The following TMEM198 variants were observed in gnomAD, a reference collection of about 807,000 sequenced individuals.
TMEM198 encodes transmembrane protein 198.
A neutral mutation model predicts 31.5 loss-of-function variants in TMEM198; 21 were observed. The observed-to-expected ratio is 0.67, with a 90% CI of 0.47 to 0.96. The LOEUF is 0.96. Among genes scored for constraint, TMEM198 ranks in the 40% least tolerant of loss-of-function variants. The pLI, the probability that TMEM198 is intolerant of heterozygous loss-of-function variation, is 0.00. For synonymous variants in TMEM198, 211 were observed against 223.3 expected (o/e 0.95, Z 0.49); for missense variants, 447 against 499.4 (o/e 0.89, Z 1.00).
Position 219,544,248 on chromosome 2 carries a change from G to GC in TMEM198, c.-164dup, listed in dbSNP as rs898393456. On this transcript the variant is annotated 5_prime_UTR_variant, in exon 1 of 5. An upstream open reading frame in the 5' UTR gains an earlier in-frame stop. Coordinates refer to ENST00000373883, the MANE Select transcript of TMEM198 (RefSeq NM_001005209.3). ...CGACACCATTCTCTCCGGCCCAGCA[G>GC]CCCCCTTCCTCGCACGACGGACTTT... 6 of 467,342 alleles carry GC rather than the reference G, an allele frequency of 1.3e-5. No individual in the cohort carries two copies. The highest frequency in any genetic ancestry group is 1.2e-4 in the African/African-American group (6 of 50,130). 28.9% of individuals were successfully genotyped at this position (467,342 alleles called of 1,614,324 possible).
intron 3 of TMEM198, among the ~76,000 whole-genome samples, chr2:219,548,485 G>A (rs567234929): frequency 3.9e-5 from 6 of 152,200 alleles, no homozygotes; most frequent in South Asian, 4.1e-4. Context: ...GGTCAGGGAA[G>A]GCTGCTTGAA....
intron 2 of TMEM198, among the ~76,000 whole-genome samples, chr2:219,546,233 C>A (rs568025589): frequency 1.3e-4 from 20 of 152,328 alleles, no homozygotes; most frequent in Non-Finnish European, 2.2e-4. Context: ...CCTTGACCCC[C>A]ATCTCTGATT....
At chr2:219,545,978 C>T (rs989382559) in intron 2 of TMEM198, among the ~76,000 whole-genome samples, 6 of 152,092 alleles carry the variant, frequency 3.9e-5, no homozygotes, top group Non-Finnish European at 2.9e-5. Context: ...TTCTGTATCA[C>T]CTCACCCCCT....
rs762633558 is a variant in TMEM198, at chr2:219,547,892, G to A, written c.553G>A (p.Ala185Thr). 3.1e-6 allele frequency: 5 copies of A among 1,595,862 alleles called. No homozygotes were observed. The highest frequency in any genetic ancestry group is 1.3e-5 in the African/African-American group (1 of 74,998). Reference sequence around the variant, plus strand: ...CGCCGTGACTGGTGCTGCGCTGATCGCCACTGCCGCTGACTACTTCGCCGA... The same window carrying A: ...CGCCGTGACTGGTGCTGCGCTGATCACCACTGCCGCTGACTACTTCGCCGA... Reference protein sequence around the residue: ...ATAVTGAALIATAADYFAELL... With the variant: ...ATAVTGAALITTAADYFAELL... The change falls in exon 3 of 5, where the codon GCC becomes ACC. Residue 185 changes from alanine to threonine, a missense_variant. Ala to Thr is a moderately conservative substitution (Grantham distance 58, BLOSUM62 0). Coordinates refer to ENST00000373883, the MANE Select transcript of TMEM198 (RefSeq NM_001005209.3).
At position 219,544,325 on chromosome 2, in the gene TMEM198, CG is replaced by C; in HGVS notation, c.-89del. On this transcript the variant is annotated 5_prime_UTR_variant, in exon 1 of 5. It removes the in-frame stop codon of an upstream open reading frame in the 5' UTR. Coordinates refer to ENST00000373883, the MANE Select transcript of TMEM198 (RefSeq NM_001005209.3). ...CTGGCGCCCCGCAACCCCGGCCCCTCGGGCCTCTGCACAGCCTCTTTCACTC... is the reference window on the plus strand; with the variant it reads ...CTGGCGCCCCGCAACCCCGGCCCCTCGGCCTCTGCACAGCCTCTTTCACTC... The C allele has an allele frequency of 2.1e-6, 1 of 473,928 alleles. No homozygotes were observed. The allele number at this position is 473,928 out of a possible 1,614,324, so 29.4% of individuals were successfully genotyped here. A position where few individuals can be genotyped will look rare whatever the true frequency, so the allele number is the denominator to read the frequency against.
chr2:219,544,695 T>C lies in TMEM198; in HGVS notation c.-33T>C. On this transcript the variant is annotated 5_prime_UTR_variant, in exon 2 of 5. Coordinates refer to ENST00000373883, the MANE Select transcript of TMEM198 (RefSeq NM_001005209.3). ...CCAACTTTCCCTCTGTCAGGTTAAC[T>C]TGGGAGGGTGACTCCCTTCTATTCC... 6.2e-7 allele frequency: 1 copy of C among 1,603,082 alleles called. No homozygotes were observed. The highest frequency in any genetic ancestry group is 8.5e-7 in the Non-Finnish European group (1 of 1,172,732).
upstream of TMEM198, chr2:219,543,817 C>T: frequency 2.2e-6 from 1 of 444,786 alleles, no homozygotes. Context: ...TGCAAGGGCC[C>T]CGCCCCCGGG....
At chr2:219,544,517 C>G (rs1416073841) in intron 1 of TMEM198, 140 bp downstream of exon 1, 13 of 625,734 alleles carry the variant, frequency 2.1e-5, no homozygotes, top group Non-Finnish European at 3.7e-5. Context: ...TAGCCAGGCA[C>G]TTTTGTTTCC....
Position 219,550,138 on chromosome 2 carries a change from G to A in TMEM198, c.*284G>A. ...GTGTGTCTGTGTGTATGTGTGTGGG[G>A]GTGGGCAGGCTTGGAGGGGACGCTG... On this transcript the variant is annotated 3_prime_UTR_variant, in exon 5 of 5. Coordinates refer to ENST00000373883, the MANE Select transcript of TMEM198 (RefSeq NM_001005209.3). 2 of 359,140 alleles carry A rather than the reference G, an allele frequency of 5.6e-6. No individual in the cohort carries two copies. The highest frequency in any genetic ancestry group is 1.0e-5 in the Non-Finnish European group (2 of 199,198). The allele number at this position is 359,140 out of a possible 1,614,324, so 22.2% of individuals were successfully genotyped here. A position where few individuals can be genotyped will look rare whatever the true frequency, so the allele number is the denominator to read the frequency against.
At chr2:219,548,143 C>T in intron 3 of TMEM198, 62 bp downstream of exon 3, 1 of 1,398,464 alleles carries the variant, frequency 7.2e-7, no homozygotes, top group Non-Finnish European at 9.5e-7. Context: ...GGGTTGGGGG[C>T]CAAGTGACTG....
chr2:219,544,984 C>T (rs1695363015), intron 2 of TMEM198, 91 bp downstream of exon 2: 7 of 1,399,942 alleles, frequency 5.0e-6, no homozygotes, highest in African/African-American at 1.4e-5. Context: ...AATCCCTCTA[C>T]CATCATGAAT....
upstream of TMEM198, chr2:219,543,811 A>G: frequency 2.3e-6 from 1 of 440,696 alleles, no homozygotes. Context: ...TGTCACTGCA[A>G]GGGCCCCGCC....
chr2:219,549,089 G>T (rs1487350665), intron 3 of TMEM198, 63 bp from the exon 4 acceptor site: 56 of 1,586,300 alleles, frequency 3.5e-5, no homozygotes, highest in Non-Finnish European at 4.4e-5. Flanking sequence ...ATGAGAGAGG[G>T]AGGGCTCAAG....
chr2:219,548,602 C>T (rs76117748), intron 3 of TMEM198, among the ~76,000 whole-genome samples: 5,417 of 152,258 alleles, frequency 0.036, 130 homozygotes, highest in Non-Finnish European at 0.048. Context: ...ATGAGCTCAG[C>T]TTGCTTGAGG....
rs574463762 is a variant in TMEM198, at chr2:219,545,633, G to A, written c.166+740G>A. On this transcript the variant is annotated intron_variant, in intron 2 of 4. Transcript: ENST00000373883. The stretch of plus-strand genomic sequence containing the variant: ...ATGGGCTAGTGGCCCAGTATAATGG[G>A]AGTAAGTGACCAGTGGCTTTGCAGC... Among the ~76,000 whole-genome samples the A allele has an allele frequency of 2.6e-5, 4 of 152,318 alleles. No homozygotes were observed. In the South Asian group the frequency reaches 8.3e-4, roughly 32 times the overall value.
chr2:219,545,703 G>A (rs1369366117), intron 2 of TMEM198, among the ~76,000 whole-genome samples: 2 of 152,176 alleles, frequency 1.3e-5, no homozygotes, highest in Non-Finnish European at 2.9e-5. Context: ...CTATGGGCTG[G>A]GGGCCCAAAG....
rs1350699776 is a variant in TMEM198, at chr2:219,544,258, T to C, written c.-159T>C. The C allele has an allele frequency of 2.1e-6, 1 of 468,266 alleles. No homozygotes were observed. The highest frequency in any genetic ancestry group is 1.5e-5 in the South Asian group (1 of 64,580). 29.0% of individuals were successfully genotyped at this position (468,266 alleles called of 1,614,324 possible). On this transcript the variant is annotated 5_prime_UTR_variant, in exon 1 of 5. Coordinates refer to ENST00000373883, the MANE Select transcript of TMEM198 (RefSeq NM_001005209.3). ...CTCTCCGGCCCAGCAGCCCCCTTCCTCGCACGACGGACTTTCCCTGGACCC... is the reference window on the plus strand; with the variant it reads ...CTCTCCGGCCCAGCAGCCCCCTTCCCCGCACGACGGACTTTCCCTGGACCC...
Position 219,550,047 on chromosome 2 carries a change from A to G in TMEM198, c.*193A>G. The G allele has an allele frequency of 1.4e-6, 1 of 703,102 alleles. No homozygotes were observed. The highest frequency in any genetic ancestry group is 2.3e-6 in the Non-Finnish European group (1 of 439,042). 43.6% of individuals were successfully genotyped at this position (703,102 alleles called of 1,614,324 possible). Reference sequence around the variant, plus strand: ...GAAAGCCCCCTCCCAAGCTCCCAAGAGGCTCCTGAGGAACTCGGGGTGTGA... The same window carrying G: ...GAAAGCCCCCTCCCAAGCTCCCAAGGGGCTCCTGAGGAACTCGGGGTGTGA... On this transcript the variant is annotated 3_prime_UTR_variant, in exon 5 of 5. Coordinates refer to ENST00000373883, the MANE Select transcript of TMEM198 (RefSeq NM_001005209.3).
At position 219,544,694 on chromosome 2, in the gene TMEM198, C is replaced by T. The variant is rs2105990674; in HGVS notation, c.-34C>T. 6.2e-7 allele frequency: 1 copy of T among 1,602,316 alleles called. No homozygotes were observed. The highest frequency in any genetic ancestry group is 8.5e-7 in the Non-Finnish European group (1 of 1,172,156). On this transcript the variant is annotated 5_prime_UTR_variant, in exon 2 of 5. Transcript: ENST00000373883. ...CCCAACTTTCCCTCTGTCAGGTTAA[C>T]TTGGGAGGGTGACTCCCTTCTATTC... is the stretch of plus-strand genomic sequence containing the variant.
Sources: gnomAD v4.1 joint callset for allele counts (sites outside exome capture counted in the v4.1 genomes callset) on GRCh38, gnomAD v4.1.1 for gene constraint, MANE v1.5 for transcripts, NCBI Gene and HGNC (gene_info 2026-07-23, HGNC 2026-07-21) for gene names.